The following ZDHHC16 variants were observed in gnomAD, a reference collection of about 807,000 sequenced individuals.
ZDHHC16 encodes the protein palmitoyltransferase ZDHHC16.
In ZDHHC16, 33 loss-of-function variants were observed where a neutral mutation model predicts 54.4. The observed-to-expected ratio is 0.61, with a 90% CI of 0.46 to 0.81. The LOEUF is 0.81. Among genes scored for constraint, ZDHHC16 ranks in the 30% least tolerant of loss-of-function variants. The pLI, the probability that ZDHHC16 is intolerant of heterozygous loss-of-function variation, is 0.00. For synonymous variants in ZDHHC16, 185 were observed against 182.1 expected (o/e 1.02, Z -0.13); for missense variants, 420 against 485.9 (o/e 0.86, Z 1.28).
Position 97,453,640 on chromosome 10 carries a change from C to T in ZDHHC16, c.667C>T (p.Arg223Trp), listed in dbSNP as rs144761033. The T allele has an allele frequency of 5.6e-6, 9 of 1,613,988 alleles. No homozygotes were observed. The highest frequency in any genetic ancestry group is 4.4e-5 in the South Asian group (4 of 91,082). Residue 223 changes from arginine (R) to tryptophan (W), a missense_variant, in exon 7 of 12, where the codon CGG becomes TGG. Physicochemically the swap from Arg to Trp is moderately radical, Grantham distance 101. Coordinates refer to ENST00000393760, the MANE Select transcript of ZDHHC16 (RefSeq NM_198046.3). ...YCSYGSWDLF[R>W]EAYAAIEKMK... Reference sequence around the variant, plus strand: ...CAGCTATGGAAGTTGGGACCTTTTCCGGGAGGCTTATGCTGCCATTGAGGT... The same window carrying T: ...CAGCTATGGAAGTTGGGACCTTTTCTGGGAGGCTTATGCTGCCATTGAGGT...
chr10:97,456,549 G>T, intron 11 of ZDHHC16: 1 of 421,810 alleles, frequency 2.4e-6, no homozygotes. Flanking sequence ...CTATCACTGT[G>T]CTTACAGTGG....
rs1425497833 is a variant in ZDHHC16, at chr10:97,453,793, C to G, written c.691-6C>G. On this transcript the variant is annotated splice_region_variant and splice_polypyrimidine_tract_variant and intron_variant, in intron 7 of 11. Coordinates refer to ENST00000393760, the MANE Select transcript of ZDHHC16 (RefSeq NM_198046.3). ...GTATAACCAGCACTGTTTTCCGTCC[C>G]CTTAGAAAATGAAACAGCTCGACAA... The G allele has an allele frequency of 6.2e-7, 1 of 1,614,216 alleles. No homozygotes were observed. The highest frequency in any genetic ancestry group is 8.5e-7 in the Non-Finnish European group (1 of 1,180,034).
intron 2 of ZDHHC16, 70 bp from the exon 3 acceptor site, chr10:97,451,601 T>A: frequency 6.5e-7 from 1 of 1,550,346 alleles, no homozygotes; most frequent in Non-Finnish European, 8.7e-7. Context: ...GTGAGTACTC[T>A]AGGCCTTCCC....
At chr10:97,452,729 C>T (rs745954737) in intron 5 of ZDHHC16, 166 bp from the exon 6 acceptor site, 125 of 1,009,034 alleles carry the variant, frequency 1.2e-4, no homozygotes, top group Non-Finnish European at 1.7e-4. Context: ...TGTCCAATAT[C>T]TTATAGCCAT....
At chr10:97,453,291 G>A (rs1846821753) in intron 6 of ZDHHC16, among the ~76,000 whole-genome samples, 1 of 152,114 alleles carries the variant, frequency 6.6e-6, no homozygotes, top group Non-Finnish European at 1.5e-5. Flanking sequence ...TCATTTTACT[G>A]AAGGATTTCA....
At chr10:97,452,350 A>G in intron 4 of ZDHHC16, 65 bp from the exon 5 acceptor site, 1 of 1,611,026 alleles carries the variant, frequency 6.2e-7, no homozygotes, top group Non-Finnish European at 8.5e-7. Context: ...GAGTGGGGAG[A>G]GTATCTTGGT....
chr10:97,451,645 A>T, intron 2 of ZDHHC16, 26 bp from the exon 3 acceptor site: 1 of 1,591,978 alleles, frequency 6.3e-7, no homozygotes, highest in Non-Finnish European at 8.5e-7. Context: ...CTCAGACTAG[A>T]TCCTCACAAT....
Position 97,455,997 on chromosome 10 carries a change from C to G in ZDHHC16, c.972C>G (p.Tyr324Ter). 1 of 1,614,158 alleles carries G rather than the reference C, an allele frequency of 6.2e-7. No individual in the cohort carries two copies. The highest frequency in any genetic ancestry group is 1.3e-5 in the African/African-American group (1 of 75,062). The change falls in exon 11 of 12, where the codon TAC (tyrosine) becomes TAG (stop). Residue 324 changes from tyrosine (Y) to a stop codon, truncating the protein, a stop_gained. Coordinates refer to ENST00000393760, the MANE Select transcript of ZDHHC16 (RefSeq NM_198046.3). LOFTEE classifies it high-confidence loss of function. Reference protein sequence around the residue: ...KGRVFRNPYNYGCLDNWKVFL... With the variant: ...KGRVFRNPYN ...AGGTATTTAGGAATCCTTACAACTA[C>G]GGCTGCTTGGACAACTGGAAGGTAT... is the stretch of plus-strand genomic sequence containing the variant.
intron 6 of ZDHHC16, 113 bp from the exon 7 acceptor site, chr10:97,453,417 G>T: frequency 7.0e-7 from 1 of 1,430,334 alleles, no homozygotes; most frequent in Non-Finnish European, 9.4e-7. Context: ...AGTTCTTAGT[G>T]ACTGGAAGCC....
Position 97,455,644 on chromosome 10 carries a change from G to T in ZDHHC16, c.825-16G>T. 1 of 1,614,144 alleles carries T rather than the reference G, an allele frequency of 6.2e-7. No individual in the cohort carries two copies. The highest frequency in any genetic ancestry group is 1.1e-5 in the South Asian group (1 of 91,082). ...CTCTCTAAACTACCCACCAGTCTTC[G>T]CCCCTCTTTTCTTAGTTCTGTGGCA... On this transcript the variant is annotated splice_polypyrimidine_tract_variant and intron_variant, in intron 9 of 11. Transcript: ENST00000393760.
chr10:97,453,973 G>A, intron 8 of ZDHHC16, 127 bp downstream of exon 8: 2 of 1,262,976 alleles, frequency 1.6e-6, no homozygotes, highest in Middle Eastern at 2.8e-4. Context: ...GACCAGATCA[G>A]GAGTGTTCAG....
chr10:97,452,895 G>A lies in ZDHHC16; in HGVS notation c.528G>A (p.Arg176=). The A allele has an allele frequency of 6.2e-7, 1 of 1,614,192 alleles. No individual in the cohort carries two copies. The highest frequency in any genetic ancestry group is 1.1e-5 in the South Asian group (1 of 91,082). ...CAGAGCCTGTGTCCCTTCCTCACAG[G>A]TGTGTGCTGAAGATGGATCACCACT... The part of the protein sequence containing the change: ...ARTHHCSICN[R]CVLKMDHHCP... The change falls in exon 6 of 12, where the codon AGG becomes AGA. Residue 176 remains arginine, a splice_region_variant and synonymous_variant. Transcript: ENST00000393760.
intron 11 of ZDHHC16, chr10:97,456,444 G>A: frequency 3.3e-6 from 1 of 302,262 alleles, no homozygotes; most frequent in Non-Finnish European, 6.1e-6. Context: ...CCCAAGACAA[G>A]GGGAAACAAT....
chr10:97,455,731 T>C lies in ZDHHC16; in HGVS notation c.896T>C (p.Ile299Thr). Residue 299 changes from isoleucine to threonine, a missense_variant, in exon 10 of 12, where the codon ATC becomes ACC. Coordinates refer to ENST00000393760, the MANE Select transcript of ZDHHC16 (RefSeq NM_198046.3). ...CTCATCAGTCGAGGTGAGACTAGCA[T>C]CGAAAGGCACATCAACAAGAAGGAG... Reference protein sequence around the residue: ...AVLISRGETSIERHINKKERR... With the variant: ...AVLISRGETSTERHINKKERR... 6.2e-7 allele frequency: 1 copy of C among 1,614,100 alleles called. No individual in the cohort carries two copies. The highest frequency in any genetic ancestry group is 8.5e-7 in the Non-Finnish European group (1 of 1,180,022).
chr10:97,453,801 A>G lies in ZDHHC16; in HGVS notation c.693A>G (p.Lys231=), dbSNP rs373955268. 2 of 1,614,170 alleles carry G rather than the reference A, an allele frequency of 1.2e-6. No homozygotes were observed. The highest frequency in any genetic ancestry group is 2.2e-5 in the East Asian group (1 of 44,884). ...LFREAYAAIE[K]MKQLDKNKLQ... is the part of the protein sequence containing the mutation. ...AGCACTGTTTTCCGTCCCCTTAGAA[A>G]ATGAAACAGCTCGACAAGAACAAAC... Residue 231 remains lysine (K), a splice_region_variant and synonymous_variant, in exon 8 of 12, where the codon AAA becomes AAG. Transcript: ENST00000393760.
Position 97,454,716 on chromosome 10 carries a change from T to G in ZDHHC16, c.741T>G (p.Thr247=). ...GCTTTGCTGTTTTCTTTTTCTAGAC[T>G]TATCACCAGACCCCACCACCCACCT... ...KNKLQAVANQ[T]YHQTPPPTFS... Residue 247 remains threonine, a splice_region_variant and synonymous_variant, in exon 9 of 12, where the codon ACT becomes ACG. Transcript: ENST00000393760. 6.2e-7 allele frequency: 1 copy of G among 1,614,136 alleles called. No individual in the cohort carries two copies. Among genetic ancestry groups the G allele is most frequent in the South Asian group, 1.1e-5 (1 of 91,080 alleles).
Position 97,452,357 on chromosome 10 carries a change from T to C in ZDHHC16, c.439-58T>C, listed in dbSNP as rs2133213482. 6 of 1,611,488 alleles carry C rather than the reference T, an allele frequency of 3.7e-6. No homozygotes were observed. In the South Asian group the frequency reaches 6.6e-5, roughly 18 times the overall value. ...GGTCCCAGGAGTGGGGAGAGTATCT[T>C]GGTATAGTTTTGAGAGACAGAACTG... On this transcript the variant is annotated intron_variant, in intron 4 of 11. Coordinates refer to ENST00000393760, the MANE Select transcript of ZDHHC16 (RefSeq NM_198046.3).
intron 1 of ZDHHC16, among the ~76,000 whole-genome samples, chr10:97,449,675 C>T (rs1472945600): frequency 2.6e-5 from 4 of 151,914 alleles, no homozygotes; most frequent in African/African-American, 9.7e-5. Context: ...ATTACAGGCA[C>T]GCGCCACCAT....
At chr10:97,449,632 G>A (rs1004312748) in intron 1 of ZDHHC16, among the ~76,000 whole-genome samples, 4 of 152,102 alleles carry the variant, frequency 2.6e-5, no homozygotes, top group South Asian at 2.1e-4. Flanking sequence ...GGGTTTCAGC[G>A]ATTCTCCTGC....
Sources: allele counts gnomAD v4.1 joint callset (sites outside exome capture counted in the v4.1 genomes callset), GRCh38; gene constraint gnomAD v4.1.1; transcripts MANE v1.5; gene names NCBI Gene and HGNC (gene_info 2026-07-23, HGNC 2026-07-21).